The following DIP2B variants were observed in gnomAD, a reference collection of about 807,000 sequenced individuals.
DIP2B encodes the protein disco-interacting protein 2 homolog B.
In DIP2B, 76 loss-of-function variants were observed where a neutral mutation model predicts 198.0. That is an observed-to-expected ratio of 0.38 (90% CI 0.32 to 0.46). DIP2B has a LOEUF of 0.46. DIP2B is among the 20% of genes least tolerant of loss of function. DIP2B has a pLI of 0.99. For synonymous variants in DIP2B, 701 were observed against 739.1 expected (o/e 0.95, Z 0.84); for missense variants, 1,559 against 1,978.4 (o/e 0.79, Z 4.02).
At chr12:50,637,660 G>A (rs1938183667) in intron 2 of DIP2B, among the ~76,000 whole-genome samples, 1 of 152,124 alleles carries the variant, frequency 6.6e-6, no homozygotes, top group Non-Finnish European at 1.5e-5. Flanking sequence ...CTGGACACTA[G>A]CACCAAGAAC....
At chr12:50,518,154 C>A (rs1255851558) in intron 1 of DIP2B, among the ~76,000 whole-genome samples, 1 of 152,020 alleles carries the variant, frequency 6.6e-6, no homozygotes, top group African/African-American at 2.4e-5. Context: ...ATTCTGGACG[C>A]ATGGCACTGG....
Position 50,562,427 on chromosome 12 carries a change from A to G in DIP2B, c.100+57187A>G, listed in dbSNP as rs17124743. Among the ~76,000 whole-genome samples, 447 of 151,930 alleles carry G rather than the reference A, an allele frequency of 2.9e-3. 6 individuals carry two copies. The highest frequency in any genetic ancestry group is 0.01 in the African/African-American group (424 of 41,450). ...TTATATATTTGAAAGTTACAGAGTT[A>G]ATTTTCTTTAAAAAAAAAAAATTCT... On this transcript the variant is annotated intron_variant, in intron 1 of 37. Transcript: ENST00000301180.
chr12:50,737,056 G>T lies in DIP2B; in HGVS notation c.4122G>T (p.Val1374=). 1 of 1,613,872 alleles carries T rather than the reference G, an allele frequency of 6.2e-7. No homozygotes were observed. The highest frequency in any genetic ancestry group is 8.5e-7 in the Non-Finnish European group (1 of 1,179,896). The change falls in exon 35 of 38, where the codon GTG becomes GTT. Residue 1374 remains valine (V), a synonymous_variant. Transcript: ENST00000301180. ...CTTAGATTTTACCTGGAGTGAAAGTGGTTATTGTTAATCCTGAGACCAAAG... is the reference window on the plus strand; with the variant it reads ...CTTAGATTTTACCTGGAGTGAAAGTTGTTATTGTTAATCCTGAGACCAAAG... The part of the protein sequence containing the change: ...ESGKILPGVK[V]VIVNPETKGP...
intron 22 of DIP2B, among the ~76,000 whole-genome samples, chr12:50,712,740 C>G (rs1361093230): frequency 6.6e-6 from 1 of 152,070 alleles, no homozygotes; most frequent in East Asian, 1.9e-4. Flanking sequence ...AACCCCGTCT[C>G]TAATAAAAAT....
intron 3 of DIP2B, chr12:50,655,090 A>T (rs773245891): frequency 1.2e-5 from 5 of 425,790 alleles, no homozygotes; most frequent in African/African-American, 1.0e-4. Flanking sequence ...TATTTGTTGC[A>T]TTATTTTTAA....
chr12:50,738,059 T>C (rs1413733975), intron 35 of DIP2B, among the ~76,000 whole-genome samples: 1 of 152,024 alleles, frequency 6.6e-6, no homozygotes, highest in Non-Finnish European at 1.5e-5. Context: ...ATAGCACTGG[T>C]GGCCGGGCGC....
intron 19 of DIP2B, among the ~76,000 whole-genome samples, chr12:50,702,270 C>T (rs1046166886): frequency 2.6e-5 from 4 of 152,116 alleles, no homozygotes; most frequent in Middle Eastern, 6.8e-3. Flanking sequence ...GGCTTGAACC[C>T]GGGAGGTGAA....
At chr12:50,620,167 G>T (rs1353454503) in intron 1 of DIP2B, among the ~76,000 whole-genome samples, 1 of 152,224 alleles carries the variant, frequency 6.6e-6, no homozygotes, top group Non-Finnish European at 1.5e-5. Context: ...TCACCCACCT[G>T]ACTGGTGTAA....
At chr12:50,525,458 C>T (rs927869533) in intron 1 of DIP2B, among the ~76,000 whole-genome samples, 4 of 150,852 alleles carry the variant, frequency 2.7e-5, no homozygotes, top group African/African-American at 9.7e-5. Flanking sequence ...ACAAAATAGG[C>T]ATTTCTTTTC....
At position 50,744,621 on chromosome 12, in the gene DIP2B, G is replaced by A. The variant is rs1592152243; in HGVS notation, c.4513G>A (p.Val1505Ile). Residue 1505 changes from valine (V) to isoleucine (I), a missense_variant, in exon 38 of 38, where the codon GTT becomes ATT. Val to Ile is a conservative substitution (Grantham distance 29). Transcript: ENST00000301180. ...CACATGGACCAACTTGCTTGTGGTGGTTGTGGAACTGTGCGGCTCTGAACA... is the reference window on the plus strand; with the variant it reads ...CACATGGACCAACTTGCTTGTGGTGATTGTGGAACTGTGCGGCTCTGAACA... ...VFTWTNLLVV[V>I]VELCGSEQEA... The A allele has an allele frequency of 1.2e-6, 2 of 1,614,096 alleles. No individual in the cohort carries two copies. Among genetic ancestry groups the A allele is most frequent in the Non-Finnish European group, 1.7e-6 (2 of 1,180,018 alleles).
intron 28 of DIP2B, 105 bp downstream of exon 28, chr12:50,724,991 T>G (rs1258793365): frequency 1.7e-6 from 2 of 1,173,978 alleles, no homozygotes; most frequent in Non-Finnish European, 2.5e-6. Context: ...TTATGTCTTC[T>G]GCCTGCTAAG....
intron 1 of DIP2B, among the ~76,000 whole-genome samples, chr12:50,595,852 C>A (rs1282399243): frequency 1.3e-5 from 2 of 152,156 alleles, no homozygotes; most frequent in Admixed American, 1.3e-4. Context: ...CACGTGACCT[C>A]CTGGGAATAT....
At chr12:50,655,140 A>G in intron 3 of DIP2B, 1 of 373,076 alleles carries the variant, frequency 2.7e-6, no homozygotes, top group Non-Finnish European at 5.4e-6. Context: ...CAGACATAGG[A>G]TAATAGTTGA....
Position 50,616,231 on chromosome 12 carries a change from T to C in DIP2B, c.101-9745T>C, listed in dbSNP as rs78015771. Among the ~76,000 whole-genome samples, 342 of 152,364 alleles carry C rather than the reference T, an allele frequency of 2.2e-3. 3 individuals carry two copies. The highest frequency in any genetic ancestry group is 3.7e-3 in the Non-Finnish European group (255 of 68,036). On this transcript the variant is annotated intron_variant, in intron 1 of 37. Coordinates refer to ENST00000301180, the MANE Select transcript of DIP2B (RefSeq NM_173602.3). ...ATTCTCTAGTTCTTGACATGGAAATTGTCTAGTCATTGTCCTAAATGAGGT... is the reference window on the plus strand; with the variant it reads ...ATTCTCTAGTTCTTGACATGGAAATCGTCTAGTCATTGTCCTAAATGAGGT...
intron 1 of DIP2B, among the ~76,000 whole-genome samples, chr12:50,517,284 C>G (rs1195050266): frequency 2.0e-5 from 3 of 151,472 alleles, no homozygotes; most frequent in African/African-American, 4.9e-5. Context: ...GCATTGTTTC[C>G]CAGGCTGATC....
intron 1 of DIP2B, among the ~76,000 whole-genome samples, chr12:50,545,606 T>C (rs1397707048): frequency 2.0e-5 from 3 of 151,872 alleles, no homozygotes; most frequent in Non-Finnish European, 4.4e-5. Context: ...TGAGCTCCTC[T>C]GCTGAAGATA....
chr12:50,549,535 A>T (rs1018981678), intron 1 of DIP2B, among the ~76,000 whole-genome samples: 5 of 150,152 alleles, frequency 3.3e-5, no homozygotes, highest in East Asian at 3.9e-4. Context: ...GTCTCAAAAA[A>T]AATAATAATA....
At chr12:50,606,051 G>A (rs1468396441) in intron 1 of DIP2B, among the ~76,000 whole-genome samples, 2 of 152,100 alleles carry the variant, frequency 1.3e-5, no homozygotes, top group Non-Finnish European at 2.9e-5. Context: ...TTGAACTCCT[G>A]GCCTCAAGCA....
intron 36 of DIP2B, among the ~76,000 whole-genome samples, chr12:50,740,462 T>C (rs1284945711): frequency 6.6e-6 from 1 of 152,192 alleles, no homozygotes; most frequent in Non-Finnish European, 1.5e-5. Flanking sequence ...TGATGTGAGA[T>C]TAAAGGACAT....
Sources: gnomAD v4.1 joint callset for allele counts (sites outside exome capture counted in the v4.1 genomes callset) on GRCh38, gnomAD v4.1.1 for gene constraint, MANE v1.5 for transcripts, NCBI Gene and HGNC (gene_info 2026-07-23, HGNC 2026-07-21) for gene names.